Variants in SH2D4A observed in about 807,000 individuals in gnomAD.
SH2D4A encodes SH2 domain-containing protein 4A.
SH2D4A carries 70 observed loss-of-function variants against 64.7 expected under a neutral mutation model. The ratio of observed to expected loss-of-function variants is 1.08; its 90% CI spans 0.89 to 1.32. The LOEUF is 1.32. Ranked by LOEUF, SH2D4A falls within the 40% of genes most tolerant of loss-of-function variation. The pLI is 0.00. For missense variants in SH2D4A, 706 were observed against 540.1 expected (o/e 1.31, Z -3.04); for synonymous variants, 268 against 200.7 (o/e 1.34, Z -2.83).
intron 2 of SH2D4A, among the ~76,000 whole-genome samples, chr8:19,329,531 G>A (rs954040329): frequency 3.3e-5 from 5 of 152,130 alleles, no homozygotes; most frequent in Admixed American, 3.3e-4. Context: ...CTGAGGACAG[G>A]GACTAGACCA....
At chr8:19,356,221 G>T (rs769282983) in intron 4 of SH2D4A, among the ~76,000 whole-genome samples, 1 of 152,198 alleles carries the variant, frequency 6.6e-6, no homozygotes, top group Non-Finnish European at 1.5e-5. Context: ...TGGGAAATGC[G>T]GTATAGTGGG....
chr8:19,360,521 G>T (rs111917819), intron 5 of SH2D4A, among the ~76,000 whole-genome samples: 2,598 of 152,234 alleles, frequency 0.017, 74 homozygotes, highest in African/African-American at 0.059. Flanking sequence ...GGCTGAGGCA[G>T]GAGAATCGCT....
intron 8 of SH2D4A, among the ~76,000 whole-genome samples, chr8:19,380,055 T>C (rs1471603786): frequency 1.3e-5 from 2 of 152,158 alleles, no homozygotes; most frequent in Non-Finnish European, 1.5e-5. Flanking sequence ...TCTCTCTCTC[T>C]TTCATAGCAA....
intron 1 of SH2D4A, among the ~76,000 whole-genome samples, chr8:19,315,311 C>T (rs1206434381): frequency 1.3e-5 from 2 of 152,086 alleles, no homozygotes; most frequent in African/African-American, 4.8e-5. Context: ...AATTTTTATA[C>T]TTTATGTAGA....
At chr8:19,373,398 CTACAGACATGCATG>C (rs1331248619) in intron 7 of SH2D4A, 118 bp from the exon 8 acceptor site, 8 of 469,366 alleles carry the variant, frequency 1.7e-5, no homozygotes, top group Admixed American at 7.9e-5. Flanking sequence ...CCTCTGGTGT[CTACAGACATGCATG>C]TATATATATG....
intron 8 of SH2D4A, among the ~76,000 whole-genome samples, chr8:19,389,668 T>G (rs2053453747): frequency 6.6e-6 from 1 of 152,196 alleles, no homozygotes; most frequent in African/African-American, 2.4e-5. Context: ...ATCAACAGAC[T>G]GTTGCCTGGG....
At chr8:19,352,731 G>C (rs1340039006) in intron 4 of SH2D4A, among the ~76,000 whole-genome samples, 1 of 152,178 alleles carries the variant, frequency 6.6e-6, no homozygotes, top group Non-Finnish European at 1.5e-5. Flanking sequence ...CTTAGGCCAG[G>C]TGTGGCGGCT....
chr8:19,386,706 G>A (rs1166981796), intron 8 of SH2D4A, among the ~76,000 whole-genome samples: 2 of 152,180 alleles, frequency 1.3e-5, no homozygotes, highest in African/African-American at 4.8e-5. Context: ...TTGGAATTTT[G>A]AATAGAAAAG....
intron 4 of SH2D4A, among the ~76,000 whole-genome samples, chr8:19,353,541 G>T (rs1334216927): frequency 6.6e-6 from 1 of 151,690 alleles, no homozygotes; most frequent in East Asian, 1.9e-4. Context: ...GCTAATTTTT[G>T]TATTTTTAGT....
chr8:19,388,552 G>A (rs1032970180), intron 8 of SH2D4A, among the ~76,000 whole-genome samples: 2 of 152,210 alleles, frequency 1.3e-5, no homozygotes, highest in Non-Finnish European at 2.9e-5. Flanking sequence ...ATGTAGGGTT[G>A]CGGTGAGGAT....
chr8:19,372,029 G>A (rs2053108727), intron 7 of SH2D4A, among the ~76,000 whole-genome samples: 1 of 152,136 alleles, frequency 6.6e-6, no homozygotes, highest in Non-Finnish European at 1.5e-5. Flanking sequence ...GGCTTGACCT[G>A]TGGTATCTTA....
intron 8 of SH2D4A, among the ~76,000 whole-genome samples, chr8:19,386,880 G>A (rs1175178112): frequency 6.6e-6 from 1 of 152,202 alleles, no homozygotes; most frequent in Non-Finnish European, 1.5e-5. Flanking sequence ...TCTGGGCTCA[G>A]GTGATTCTCC....
At chr8:19,386,888 T>C (rs1333118060) in intron 8 of SH2D4A, among the ~76,000 whole-genome samples, 1 of 152,222 alleles carries the variant, frequency 6.6e-6, no homozygotes, top group Non-Finnish European at 1.5e-5. Flanking sequence ...CAGGTGATTC[T>C]CCCACTTCAG....
rs1490750152 is a variant in SH2D4A at position 19,313,699 on chromosome 8, G to C, written c.-329G>C. On this transcript the variant is annotated 5_prime_UTR_variant, in exon 1 of 10. Coordinates refer to ENST00000265807, the MANE Select transcript of SH2D4A (RefSeq NM_022071.4). Reference sequence around the variant, plus strand: ...GTTTTGCGTCCGGGCCGGAGTATTTGCTCAGCCCGCCTGCGCCGCTTGGGA... The same window carrying C: ...GTTTTGCGTCCGGGCCGGAGTATTTCCTCAGCCCGCCTGCGCCGCTTGGGA... The C allele has an allele frequency of 3.5e-6, 5 of 1,444,542 alleles. No individual in the cohort carries two copies. Among genetic ancestry groups the C allele is most frequent in the African/African-American group, 1.5e-5 (1 of 67,980 alleles). 89.5% of individuals were successfully genotyped at this position (1,444,542 alleles called of 1,614,324 possible). A position where few individuals can be genotyped will look rare whatever the true frequency, so the allele number is the denominator to read the frequency against.
At chr8:19,362,907 G>A (rs2052916842) in intron 6 of SH2D4A, among the ~76,000 whole-genome samples, 1 of 152,088 alleles carries the variant, frequency 6.6e-6, no homozygotes, top group Non-Finnish European at 1.5e-5. Flanking sequence ...TCAGTGTGTA[G>A]TAATGTCCTA....
Position 19,313,741 on chromosome 8 carries a change from T to C in SH2D4A, c.-287T>C. 2 of 1,507,986 alleles carry C rather than the reference T, an allele frequency of 1.3e-6. No homozygotes were observed. Among genetic ancestry groups the C allele is most frequent in the South Asian group, 1.2e-5 (1 of 82,374 alleles). The allele number at this position is 1,507,986 out of a possible 1,614,324, so 93.4% of individuals were successfully genotyped here. On this transcript the variant is annotated 5_prime_UTR_variant, in exon 1 of 10. Transcript: ENST00000265807. ...CGCTTGGGACGCCTCTGCCTTTCCC[T>C]CCCTCCCTTCCCCGACGGCTTCTGG...
In SH2D4A at chr8:19,392,854, G is replaced by C. The variant is rs188060137; in HGVS notation, c.1049-464G>C. On this transcript the variant is annotated intron_variant, in intron 8 of 9. Transcript: ENST00000265807. ...TTTCCTGGGTTCACACCATTCTCCT[G>C]CCTCAGCCTCCTGAGTAGCTGGGAC... 7.7e-3 allele frequency among the ~76,000 whole-genome samples: 1,168 copies of C among 151,904 alleles called. 8 individuals carry two copies. Among genetic ancestry groups the C allele is most frequent in the Non-Finnish European group, 0.012 (830 of 67,988 alleles).
intron 8 of SH2D4A, among the ~76,000 whole-genome samples, chr8:19,380,177 C>G (rs1319132626): frequency 6.6e-6 from 1 of 152,150 alleles, no homozygotes; most frequent in African/African-American, 2.4e-5. Context: ...TGTATATCTT[C>G]TTTGACAAAT....
chr8:19,343,446 CTG>C (rs998644300), intron 4 of SH2D4A, among the ~76,000 whole-genome samples: 1 of 151,874 alleles, frequency 6.6e-6, no homozygotes, highest in African/African-American at 2.4e-5. Flanking sequence ...CAAACAAAAA[CTG>C]GGATTTTTTA....
Sources: allele counts gnomAD v4.1 joint callset (sites outside exome capture counted in the v4.1 genomes callset), GRCh38; gene constraint gnomAD v4.1.1; transcripts MANE v1.5; gene names NCBI Gene and HGNC (gene_info 2026-07-23, HGNC 2026-07-21).